The following CTPS1 variants were observed in gnomAD, a reference collection of about 807,000 sequenced individuals.
CTPS1 encodes CTP synthetase 1.
CTPS1 carries 25 observed loss-of-function variants against 80.5 expected under a neutral mutation model. That is an observed-to-expected ratio of 0.31 (90% CI 0.23 to 0.43). The LOEUF is 0.43. Among genes scored for constraint, CTPS1 ranks in the 20% least tolerant of loss-of-function variants. The probability of loss-of-function intolerance (pLI) is 1.00; values close to 1 mark genes in which losing one functional copy is unlikely to be tolerated. For missense variants in CTPS1, 442 were observed against 725.7 expected, an observed-to-expected ratio of 0.61 and a Z score of 4.49; for synonymous variants, 267 against 252.5, an observed-to-expected ratio of 1.06 and a Z score of -0.54.
chr1:40,987,596 G>A, intron 4 of CTPS1, 124 bp downstream of exon 4: 4 of 652,096 alleles, frequency 6.1e-6, no homozygotes, highest in South Asian at 5.2e-5. Context: ...ATGTTGCAAT[G>A]TGGCAGGTAA....
intron 1 of CTPS1, among the ~76,000 whole-genome samples, chr1:40,982,764 G>A (rs906349090): frequency 6.6e-6 from 1 of 152,184 alleles, no homozygotes; most frequent in Non-Finnish European, 1.5e-5. Context: ...TTTCCTTTTA[G>A]TCTATCTTTT....
chr1:40,996,916 A>AT (rs1171767090), intron 8 of CTPS1, among the ~76,000 whole-genome samples: 1 of 151,260 alleles, frequency 6.6e-6, no homozygotes, highest in African/African-American at 2.4e-5. Flanking sequence ...TATGTCTGTT[A>AT]TTTTTTTTGG....
rs1375055654 is a variant in CTPS1, at chr1:40,988,677, C to T, written c.522C>T (p.Asn174=). The change falls in exon 5 of 19, where the codon AAC becomes AAT. Residue 174 remains asparagine, a synonymous_variant. Coordinates refer to ENST00000650070, the MANE Select transcript of CTPS1 (RefSeq NM_001905.4). ...RQFQFKVKRE[N]FCNIHVSLVP... ...TCCAATTCAAGGTCAAAAGAGAGAA[C>T]TTTTGTAACATCCACGTCAGTCTAG... 1 of 1,613,804 alleles carries T rather than the reference C, an allele frequency of 6.2e-7. No homozygotes were observed. The highest frequency in any genetic ancestry group is 1.7e-5 in the Admixed American group (1 of 59,998).
At chr1:40,993,967 C>A (rs1331462825) in intron 7 of CTPS1, among the ~76,000 whole-genome samples, 1 of 151,614 alleles carries the variant, frequency 6.6e-6, no homozygotes, top group African/African-American at 2.4e-5. Flanking sequence ...TTAGTAGAGA[C>A]GGGGTTTTGC....
At chr1:40,997,314 TCCC>T in intron 8 of CTPS1, 77 bp from the exon 9 acceptor site, 2 of 1,515,720 alleles carry the variant, frequency 1.3e-6, no homozygotes, top group African/African-American at 1.4e-5. Context: ...TGGTTTTTTT[TCCC>T]TTGAAATAGC....
chr1:41,003,560 A>G (rs757258274), intron 12 of CTPS1, among the ~76,000 whole-genome samples: 6 of 152,044 alleles, frequency 3.9e-5, no homozygotes, highest in Non-Finnish European at 7.4e-5. Flanking sequence ...TTCCAACCTT[A>G]CCGCTTATGG....
intron 2 of CTPS1, among the ~76,000 whole-genome samples, chr1:40,983,976 A>C (rs1642384718): frequency 6.6e-6 from 1 of 152,194 alleles, no homozygotes; most frequent in Admixed American, 6.5e-5. Context: ...GTTACTTCAA[A>C]GATTAATTGC....
chr1:40,997,348 G>T (rs200983055), intron 8 of CTPS1, 46 bp from the exon 9 acceptor site: 3 of 1,597,390 alleles, frequency 1.9e-6, no homozygotes, highest in African/African-American at 2.7e-5. Flanking sequence ...TCATGATAGC[G>T]TGTACCTTCT....
chr1:41,010,224 T>C lies in CTPS1; in HGVS notation c.1755T>C (p.Phe585=), dbSNP rs1570987022. ...ACTCTGAAATCACCGAACTGAAGTT[T>C]CCATCAATAAATCATGACTGATCTT... The part of the protein sequence containing the change: ...SPDSEITELK[F]PSINHD Residue 585 remains phenylalanine (F), a synonymous_variant, in exon 18 of 19, where the codon TTT becomes TTC. Transcript: ENST00000650070. 2.5e-6 allele frequency: 4 copies of C among 1,613,674 alleles called. No homozygotes were observed. The highest frequency in any genetic ancestry group is 3.4e-6 in the Non-Finnish European group (4 of 1,179,562).
intron 13 of CTPS1, among the ~76,000 whole-genome samples, chr1:41,006,702 G>A (rs1245524887): frequency 2.0e-5 from 3 of 152,232 alleles, no homozygotes; most frequent in Non-Finnish European, 2.9e-5. Flanking sequence ...GATGTAAAGG[G>A]AAGGGCACTT....
intron 14 of CTPS1, among the ~76,000 whole-genome samples, chr1:41,008,337 C>T (rs539866736): frequency 1.7e-4 from 26 of 152,286 alleles, no homozygotes; most frequent in Admixed American, 1.6e-3. Flanking sequence ...AGGGCCTTGC[C>T]GTTTCGTACA....
chr1:40,983,077 G>T (rs1642360632), intron 1 of CTPS1: 1 of 461,602 alleles, frequency 2.2e-6, no homozygotes, highest in Non-Finnish European at 3.9e-6. Context: ...ACACGTATTT[G>T]ACTAAAGCCA....
chr1:40,997,560 G>A (rs752109334), intron 9 of CTPS1, 34 bp downstream of exon 9: 2 of 1,608,178 alleles, frequency 1.2e-6, no homozygotes, highest in Non-Finnish European at 1.7e-6. Context: ...GCCAAAGGAT[G>A]AGCAGGGAAG....
intron 9 of CTPS1, among the ~76,000 whole-genome samples, chr1:41,000,533 G>A (rs548771217): frequency 6.6e-6 from 1 of 152,020 alleles, no homozygotes; most frequent in African/African-American, 2.4e-5. Context: ...GATTATAGGT[G>A]TGAGCCACCA....
At chr1:40,999,032 C>G (rs1338471779) in intron 9 of CTPS1, among the ~76,000 whole-genome samples, 1 of 152,136 alleles carries the variant, frequency 6.6e-6, no homozygotes, top group East Asian at 1.9e-4. Context: ...GATGAAAAGG[C>G]AACGGTCTCC....
chr1:40,992,982 G>A (rs148017362), intron 7 of CTPS1, among the ~76,000 whole-genome samples: 22 of 149,954 alleles, frequency 1.5e-4, no homozygotes, highest in African/African-American at 4.7e-4. Flanking sequence ...GTGTGAGGGC[G>A]CCCGGCCTTA....
Position 40,991,826 on chromosome 1 carries a change from G to C in CTPS1, c.701G>C (p.Cys234Ser). 1.2e-6 allele frequency: 2 copies of C among 1,613,834 alleles called. No individual in the cohort carries two copies. The highest frequency in any genetic ancestry group is 1.7e-6 in the Non-Finnish European group (2 of 1,179,734). The change falls in exon 7 of 19, where the codon TGC (cysteine) becomes TCC (serine). Residue 234 changes from cysteine to serine, a missense_variant. Physicochemically the swap from Cys to Ser is moderately radical, Grantham distance 112. Transcript: ENST00000650070. ...TSVKEKISMF[C>S]HVEPEQVICV... Reference sequence around the variant, plus strand: ...GTGAAGGAGAAAATATCAATGTTCTGCCATGTTGAGCCTGAACAAGTGAGT... The same window carrying C: ...GTGAAGGAGAAAATATCAATGTTCTCCCATGTTGAGCCTGAACAAGTGAGT...
At chr1:40,985,063 C>G (rs1442361554) in intron 3 of CTPS1, 72 bp downstream of exon 3, 2 of 1,059,232 alleles carry the variant, frequency 1.9e-6, no homozygotes, top group African/African-American at 3.2e-5. Context: ...CACCTCTACA[C>G]AGATGTGTAA....
rs1321885302 is a variant in CTPS1 at position 41,003,296 on chromosome 1, C to T, written c.1252+120C>T. ...AAGGGCAGGCCTGGGTTCCTAGCAC[C>T]TCATGGTGTGCCGTAAGGGAGCTGC... On this transcript the variant is annotated intron_variant, in intron 12 of 18. Transcript: ENST00000650070. The T allele has an allele frequency of 2.0e-5, 21 of 1,051,228 alleles. No individual in the cohort carries two copies. The Admixed American group carries it at 3.8e-4, about 19-fold the overall frequency. 65.1% of individuals were successfully genotyped at this position (1,051,228 alleles called of 1,614,324 possible).
Sources: gnomAD v4.1 joint callset for allele counts (sites outside exome capture counted in the v4.1 genomes callset) on GRCh38, gnomAD v4.1.1 for gene constraint, MANE v1.5 for transcripts, NCBI Gene and HGNC (gene_info 2026-07-23, HGNC 2026-07-21) for gene names.